Variants in USP40 observed in about 807,000 individuals in gnomAD.
USP40 encodes ubiquitin carboxyl-terminal hydrolase 40.
USP40 carries 143 observed loss-of-function variants against 166.2 expected under a neutral mutation model. The observed-to-expected ratio is 0.86, with a 90% CI of 0.75 to 0.99. The LOEUF is 0.99. Ranked by LOEUF, USP40 falls within the 50% of genes least tolerant of loss-of-function variation. The probability of loss-of-function intolerance (pLI) is 0.00; values close to 1 mark genes in which losing one functional copy is unlikely to be tolerated. For missense variants in USP40, 1,444 were observed against 1,479.7 expected, an observed-to-expected ratio of 0.98 and a Z score of 0.40; for synonymous variants, 498 against 524.0, an observed-to-expected ratio of 0.95 and a Z score of 0.68.
Position 233,490,911 on chromosome 2 carries a change from A to T in USP40, c.3012+256T>A, listed in dbSNP as rs191340085. ...TTCCCTAAAAAAATAAAAATGAACA[A>T]AAGCCGCAAGTCACTGAGGATAGAT... On this transcript the variant is annotated intron_variant, in intron 26 of 31. Coordinates refer to ENST00000678225, the MANE Select transcript of USP40 (RefSeq NM_001365479.2). The T allele has an allele frequency of 8.2e-4, 485 of 589,568 alleles. 1 individual carries two copies. The highest frequency in any genetic ancestry group is 3.1e-3 in the Middle Eastern group (10 of 3,250). The allele number at this position is 589,568 out of a possible 1,614,324, so 36.5% of individuals were successfully genotyped here.
At position 233,519,355 on chromosome 2, in the gene USP40, C is replaced by T. The variant is rs547066856; in HGVS notation, c.2383+259G>A. ...AACATGAATACATGGACTAGATACA[C>T]ACCCACATCAGATATACTCATTGTA... On this transcript the variant is annotated intron_variant, in intron 18 of 31. Coordinates refer to ENST00000678225, the MANE Select transcript of USP40 (RefSeq NM_001365479.2). 487 of 370,408 alleles carry T rather than the reference C, an allele frequency of 1.3e-3. 11 individuals are homozygous for T. The South Asian group carries it at 0.014, about 11-fold the overall frequency. The allele number at this position is 370,408 out of a possible 1,614,324, so 22.9% of individuals were successfully genotyped here.
rs747458998 is a variant in USP40 at position 233,527,508 on chromosome 2, T to C, written c.1624A>G (p.Asn542Asp). 1.2e-6 allele frequency: 2 copies of C among 1,613,700 alleles called. No homozygotes were observed. The highest frequency in any genetic ancestry group is 1.1e-5 in the South Asian group (1 of 91,032). ...GAGACTACTGGGTGCAGAGCCCCATTGAAGAAATGATACTGAGGGCCCAGG... is the reference window on the plus strand; with the variant it reads ...GAGACTACTGGGTGCAGAGCCCCATCGAAGAAATGATACTGAGGGCCCAGG... ...LHLGPQYHFF[N>D]GALHPVVSQT... Residue 542 changes from asparagine to aspartate, a missense_variant, in exon 13 of 32, where the codon AAT becomes GAT. Asn to Asp is a conservative substitution (Grantham distance 23). Coordinates refer to ENST00000678225, the MANE Select transcript of USP40 (RefSeq NM_001365479.2).
In USP40 at chr2:233,540,727, G is replaced by C. The variant is rs1275138555; in HGVS notation, c.1105C>G (p.Leu369Val). 1 of 1,613,392 alleles carries C rather than the reference G, an allele frequency of 6.2e-7. No individual in the cohort carries two copies. The highest frequency in any genetic ancestry group is 8.5e-7 in the Non-Finnish European group (1 of 1,179,600). Residue 369 changes from leucine (L) to valine (V), a missense_variant, in exon 10 of 32, where the codon CTT becomes GTT. Transcript: ENST00000678225. ...CAAGATATTCCTATCTTTTTCAAAA[G>C]TTTCTGGCCCAGCTGATCAACAGGA... ...LIPVDQLGQK[L>V]LKKIGISWNK...
chr2:233,542,491 G>A, intron 8 of USP40, 128 bp from the exon 9 acceptor site: 1 of 575,220 alleles, frequency 1.7e-6, no homozygotes, highest in Non-Finnish European at 3.1e-6. Flanking sequence ...CAGAGGGACT[G>A]CTTGAGCCAG....
chr2:233,501,967 G>A lies in USP40; in HGVS notation c.2614-2052C>T, dbSNP rs115877415. Among the ~76,000 whole-genome samples the A allele has an allele frequency of 2.8e-3, 427 of 152,312 alleles. 3 individuals carry two copies. The highest frequency in any genetic ancestry group is 9.4e-3 in the African/African-American group (389 of 41,560). On this transcript the variant is annotated intron_variant, in intron 21 of 31. Transcript: ENST00000678225. The stretch of plus-strand genomic sequence containing the variant: ...CAGTGGGATATAAGGAAAACCTGGA[G>A]TTGTGGTCTTCTGGAGCCCAGTGAC...
chr2:233,524,679 AAGT>A (rs564647295), intron 14 of USP40, 117 bp from the exon 15 acceptor site: 1 of 694,796 alleles, frequency 1.4e-6, no homozygotes, highest in Non-Finnish European at 2.2e-6. Flanking sequence ...AAAATTTAAA[AAGT>A]AGTAATTATT....
chr2:233,485,345 G>C (rs1469092273), intron 30 of USP40, among the ~76,000 whole-genome samples, 186 bp downstream of exon 30: 1 of 152,128 alleles, frequency 6.6e-6, no homozygotes, highest in Non-Finnish European at 1.5e-5. Flanking sequence ...TTGGCAGTTT[G>C]GATACTGAGG....
Position 233,512,635 on chromosome 2 carries a change from G to A in USP40, c.2384-13C>T. On this transcript the variant is annotated splice_polypyrimidine_tract_variant and intron_variant, in intron 18 of 31. Coordinates refer to ENST00000678225, the MANE Select transcript of USP40 (RefSeq NM_001365479.2). ...CAGCTGTTGTCAGCTATATATAAAAGGAATATTATTTTTCTTAGAGAGCTA... is the reference window on the plus strand; with the variant it reads ...CAGCTGTTGTCAGCTATATATAAAAAGAATATTATTTTTCTTAGAGAGCTA... 8.7e-7 allele frequency: 1 copy of A among 1,148,268 alleles called. No individual in the cohort carries two copies. Among genetic ancestry groups the A allele is most frequent in the African/African-American group, 3.0e-5 (1 of 33,022 alleles). 71.1% of individuals were successfully genotyped at this position (1,148,268 alleles called of 1,614,324 possible).
intron 21 of USP40, among the ~76,000 whole-genome samples, chr2:233,505,354 C>A (rs1297158828): frequency 6.6e-6 from 1 of 151,868 alleles, no homozygotes; most frequent in Non-Finnish European, 1.5e-5. Context: ...CAGAAATAAA[C>A]AAAATAGGAA....
rs777847326 is a variant in USP40, at chr2:233,540,678, T to C, written c.1154A>G (p.His385Arg). 40 of 1,612,310 alleles carry C rather than the reference T, an allele frequency of 2.5e-5. No individual in the cohort carries two copies. The highest frequency in any genetic ancestry group is 3.1e-5 in the Non-Finnish European group (37 of 1,178,812). Reference sequence around the variant, plus strand: ...ATGTATTACCTTCCGCAGTGGTCCATGCTGTTTTCTGTACTTCTTGTTCCA... The same window carrying C: ...ATGTATTACCTTCCGCAGTGGTCCACGCTGTTTTCTGTACTTCTTGTTCCA... ...ISWNKKYRKQHGPLRKFLQLH... is the reference protein window; with the variant it reads ...ISWNKKYRKQRGPLRKFLQLH... The change falls in exon 10 of 32, where the codon CAT becomes CGT. Residue 385 changes from histidine to arginine, a missense_variant. Coordinates refer to ENST00000678225, the MANE Select transcript of USP40 (RefSeq NM_001365479.2).
At position 233,493,367 on chromosome 2, in the gene USP40, C is replaced by G; in HGVS notation, c.2917+58G>C. The G allele has an allele frequency of 6.2e-7, 1 of 1,609,118 alleles. No individual in the cohort carries two copies. The highest frequency in any genetic ancestry group is 8.5e-7 in the Non-Finnish European group (1 of 1,175,780). On this transcript the variant is annotated intron_variant, in intron 25 of 31. Coordinates refer to ENST00000678225, the MANE Select transcript of USP40 (RefSeq NM_001365479.2). The surrounding 1 kb of genome is among the most constrained non-coding windows in gnomAD (Gnocchi z 4.7). ...TATCAATTGACTCTCAGAGCACAGG[C>G]AGTCAATTTACTTCTCTTTATGATG...
chr2:233,511,849 A>G, intron 19 of USP40, 52 bp from the exon 20 acceptor site: 1 of 1,367,050 alleles, frequency 7.3e-7, no homozygotes, highest in Non-Finnish European at 1.0e-6. Flanking sequence ...TAGCTCTCTA[A>G]GAAAAATAAA....
In USP40 at chr2:233,562,821, A is replaced by C; in HGVS notation, c.200-18T>G. On this transcript the variant is annotated intron_variant, in intron 2 of 31. Coordinates refer to ENST00000678225, the MANE Select transcript of USP40 (RefSeq NM_001365479.2). ...TAGAGCTTCTAAAGAAAAAGGTAGAATCAGAGATGCAAATGACATCATTTC... is the reference window on the plus strand; with the variant it reads ...TAGAGCTTCTAAAGAAAAAGGTAGACTCAGAGATGCAAATGACATCATTTC... 2 of 1,505,650 alleles carry C rather than the reference A, an allele frequency of 1.3e-6. No homozygotes were observed. The highest frequency in any genetic ancestry group is 1.8e-6 in the Non-Finnish European group (2 of 1,126,176). The allele number at this position is 1,505,650 out of a possible 1,614,324, so 93.3% of individuals were successfully genotyped here. A position where few individuals can be genotyped will look rare whatever the true frequency, so the allele number is the denominator to read the frequency against.
At chr2:233,484,554 GC>G (rs1269443161) in intron 30 of USP40, among the ~76,000 whole-genome samples, 1 of 150,652 alleles carries the variant, frequency 6.6e-6, no homozygotes, top group Non-Finnish European at 1.5e-5. Flanking sequence ...TTGGCTCACT[GC>G]AACATCCACC....
In USP40 at chr2:233,523,151, T is replaced by C; in HGVS notation, c.2201+19A>G. The C allele has an allele frequency of 6.3e-7, 1 of 1,583,814 alleles. No individual in the cohort carries two copies. ...TAAAATGACTTTTAGAAATCCTTTT[T>C]CTCTTGTTAGCGAGTTACCTGTTAT... is the stretch of plus-strand genomic sequence containing the variant. On this transcript the variant is annotated intron_variant, in intron 16 of 31. Coordinates refer to ENST00000678225, the MANE Select transcript of USP40 (RefSeq NM_001365479.2).
At chr2:233,537,813 A>C (rs1448511840) in intron 10 of USP40, among the ~76,000 whole-genome samples, 2 of 152,222 alleles carry the variant, frequency 1.3e-5, no homozygotes, top group Non-Finnish European at 2.9e-5. Context: ...ATGCTAAAGG[A>C]AACTCTCTAG....
chr2:233,539,699 A>G (rs2069223105), intron 10 of USP40, among the ~76,000 whole-genome samples: 1 of 151,592 alleles, frequency 6.6e-6, no homozygotes, highest in Non-Finnish European at 1.5e-5. Context: ...AGAAGGTTTA[A>G]AAAAAAAACT....
At chr2:233,543,855 T>G (rs529630736) in intron 8 of USP40, among the ~76,000 whole-genome samples, 2 of 152,236 alleles carry the variant, frequency 1.3e-5, no homozygotes, top group African/African-American at 2.4e-5. Flanking sequence ...AACTTCCATT[T>G]TGATGCCCAT....
chr2:233,521,152 T>C (rs1374144747), intron 16 of USP40, 38 bp from the exon 17 acceptor site: 2 of 1,581,546 alleles, frequency 1.3e-6, no homozygotes, highest in Admixed American at 1.8e-5. Flanking sequence ...TTAATACCTT[T>C]CCTTAGGCAT....
Sources: gnomAD v4.1 joint callset for allele counts (sites outside exome capture counted in the v4.1 genomes callset) on GRCh38, gnomAD v4.1.1 for gene constraint, Gnocchi (gnomAD v3.1) non-coding constraint, MANE v1.5 for transcripts, NCBI Gene and HGNC (gene_info 2026-07-23, HGNC 2026-07-21) for gene names.